GNA11: variants seen among roughly 807,000 people sequenced by gnomAD.
GNA11 encodes the protein G protein subunit alpha 11.
A neutral mutation model predicts 38.2 loss-of-function variants in GNA11; 8 were observed. That is an observed-to-expected ratio of 0.21 (90% confidence interval 0.12 to 0.38). The LOEUF (loss-of-function observed/expected upper bound fraction) is 0.38. Among genes scored for constraint, GNA11 ranks in the 10% least tolerant of loss-of-function variants. The pLI, the probability that GNA11 is intolerant of heterozygous loss-of-function variation, is 1.00. For missense variants in GNA11, 268 were observed against 516.3 expected (o/e 0.52, Z 4.66); for synonymous variants, 211 against 221.4 (o/e 0.95, Z 0.42).
At position 3,121,470 on chromosome 19, in the gene GNA11, A is replaced by AAG. The variant is rs1491079955; in HGVS notation, c.*291_*292insAG. 5.7e-6 allele frequency: 1 copy of AAG among 175,812 alleles called. No homozygotes were observed. The highest frequency in any genetic ancestry group is 8.0e-5 in the East Asian group (1 of 12,564). 10.9% of individuals were successfully genotyped at this position (175,812 alleles called of 1,614,324 possible). ...GCTTTTTTCTAAAAAAAAAAAAAAAAGAAAGAAAGAAAAAAAGCAACGAAA... is the reference window on the plus strand; with the variant it reads ...GCTTTTTTCTAAAAAAAAAAAAAAAAAGGAAAGAAAGAAAAAAAGCAACGAAA... On this transcript the variant is annotated 3_prime_UTR_variant, in exon 7 of 7. Coordinates refer to ENST00000078429, the MANE Select transcript of GNA11 (RefSeq NM_002067.5).
chr19:3,096,286 G>C (rs754938), intron 1 of GNA11, among the ~76,000 whole-genome samples: 1 of 136,358 alleles, frequency 7.3e-6, no homozygotes, highest in African/African-American at 2.8e-5. Context: ...TTTCCAGGGG[G>C]CCGCGGGTAG....
rs115151953 is a variant in GNA11, at chr19:3,122,864, G to A, written c.*1685G>A. 67 of 233,558 alleles carry A rather than the reference G, an allele frequency of 2.9e-4. No individual in the cohort carries two copies. Among genetic ancestry groups the A allele is most frequent in the African/African-American group, 1.4e-3 (63 of 45,488 alleles). 14.5% of individuals were successfully genotyped at this position (233,558 alleles called of 1,614,324 possible). On this transcript the variant is annotated 3_prime_UTR_variant, in exon 7 of 7. Transcript: ENST00000078429. The surrounding 1 kb of genome is among the most constrained non-coding windows in gnomAD (Gnocchi z 7.7). The stretch of plus-strand genomic sequence containing the variant: ...TGGGGGCAGAAGAGCGGGGAGCCCC[G>A]TGGAAGGGTCAGGGGAGACCAGGTC...
At chr19:3,098,590 A>C (rs1913428444) in intron 1 of GNA11, among the ~76,000 whole-genome samples, 1 of 152,244 alleles carries the variant, frequency 6.6e-6, no homozygotes, top group Non-Finnish European at 1.5e-5. Flanking sequence ...TAAATAAAGC[A>C]GGATGGTTAG....
rs918486848 is a variant in GNA11 at position 3,120,013 on chromosome 19, T to G, written c.889+654T>G. On this transcript the variant is annotated intron_variant, in intron 6 of 6. Coordinates refer to ENST00000078429, the MANE Select transcript of GNA11 (RefSeq NM_002067.5). The surrounding 1 kb of genome is among the most constrained non-coding windows in gnomAD (Gnocchi z 5.9). ...GTGTTGTGTGCCCTCGTCTGTGTGG[T>G]CAGTGGCTGCCGTTAGTGCTGTCAC... is the stretch of plus-strand genomic sequence containing the variant. 4.6e-5 allele frequency among the ~76,000 whole-genome samples: 7 copies of G among 151,992 alleles called. No homozygotes were observed. The highest frequency in any genetic ancestry group is 8.8e-5 in the Non-Finnish European group (6 of 67,950).
At chr19:3,101,350 G>A (rs890669615) in intron 1 of GNA11, among the ~76,000 whole-genome samples, 2 of 151,834 alleles carry the variant, frequency 1.3e-5, no homozygotes, top group Non-Finnish European at 2.9e-5. Context: ...TGTGGGATGA[G>A]TGCAGCCCCC....
intron 4 of GNA11, chr19:3,118,237 G>A (rs1008641982): frequency 6.6e-6 from 1 of 152,194 alleles, no homozygotes; most frequent in Non-Finnish European, 1.5e-5. Flanking sequence ...GGAGACCAAA[G>A]TGCCTTTTCT....
chr19:3,121,578 C>T lies in GNA11; in HGVS notation c.*399C>T. ...CCAGCCAGCATGGGGCCCCGCCCTGCAGCCAGTCACGCGCCCCCACACCGC... is the reference window on the plus strand; with the variant it reads ...CCAGCCAGCATGGGGCCCCGCCCTGTAGCCAGTCACGCGCCCCCACACCGC... On this transcript the variant is annotated 3_prime_UTR_variant, in exon 7 of 7. Coordinates refer to ENST00000078429, the MANE Select transcript of GNA11 (RefSeq NM_002067.5). 4.3e-6 allele frequency: 1 copy of T among 235,170 alleles called. No individual in the cohort carries two copies. The allele number at this position is 235,170 out of a possible 1,614,324, so 14.6% of individuals were successfully genotyped here. A position where few individuals can be genotyped will look rare whatever the true frequency, so the allele number is the denominator to read the frequency against.
chr19:3,110,619 G>C lies in GNA11; in HGVS notation c.321+286G>C, dbSNP rs1278333118. 6.6e-6 allele frequency among the ~76,000 whole-genome samples: 1 copy of C among 152,162 alleles called. No homozygotes were observed. Among genetic ancestry groups the C allele is most frequent in the Non-Finnish European group, 1.5e-5 (1 of 68,026 alleles). On this transcript the variant is annotated intron_variant, in intron 2 of 6. Transcript: ENST00000078429. This position sits in a 1 kb window ranked among gnomAD's most constrained non-coding sequence, Gnocchi z 5.4. ...GTGGGTGGGGAAGCTGAGGCCCTGGGGAAGCTGAGGCCCTGTGAGGTGAGC... is the reference window on the plus strand; with the variant it reads ...GTGGGTGGGGAAGCTGAGGCCCTGGCGAAGCTGAGGCCCTGTGAGGTGAGC...
At chr19:3,105,015 C>T (rs990509844) in intron 1 of GNA11, among the ~76,000 whole-genome samples, 1 of 146,098 alleles carries the variant, frequency 6.8e-6, no homozygotes, top group Non-Finnish European at 1.5e-5. Flanking sequence ...TCACCAGCTC[C>T]AGACCCAGTC....
At chr19:3,111,028 A>G (rs1253044028) in intron 2 of GNA11, among the ~76,000 whole-genome samples, 2 of 151,970 alleles carry the variant, frequency 1.3e-5, no homozygotes, top group Non-Finnish European at 2.9e-5. Context: ...TCCTGGGCTC[A>G]AGCAGTCCTC....
rs7255425 is a variant in GNA11 at position 3,110,100 on chromosome 19, G to A, written c.137-49G>A. 275,267 of 1,475,698 alleles carry A rather than the reference G, an allele frequency of 0.19. 26,676 individuals are homozygous for A. The highest frequency in any genetic ancestry group is 0.23 in the Middle Eastern group (996 of 4,258). 91.4% of individuals were successfully genotyped at this position (1,475,698 alleles called of 1,614,324 possible). ...TCTGGGTAAGAGGGGGCAGCAGCAC[G>A]AGAGTCAGGCCCCGGCTGCCGCCCG... On this transcript the variant is annotated intron_variant, in intron 1 of 6. Transcript: ENST00000078429. The surrounding 1 kb of genome is among the most constrained non-coding windows in gnomAD (Gnocchi z 5.4).
intron 4 of GNA11, chr19:3,117,990 C>G (rs941634839): frequency 1.3e-5 from 2 of 152,260 alleles, no homozygotes; most frequent in African/African-American, 2.4e-5. Flanking sequence ...CCACTGTCCT[C>G]CCGCCTGGCC....
chr19:3,120,025 G>A lies in GNA11; in HGVS notation c.889+666G>A, dbSNP rs576184945. On this transcript the variant is annotated intron_variant, in intron 6 of 6. Coordinates refer to ENST00000078429, the MANE Select transcript of GNA11 (RefSeq NM_002067.5). The surrounding 1 kb of genome is among the most constrained non-coding windows in gnomAD (Gnocchi z 5.9). ...CTCGTCTGTGTGGTCAGTGGCTGCC[G>A]TTAGTGCTGTCACCACTCAGAGCTG... Among the ~76,000 whole-genome samples, 85 of 152,186 alleles carry A rather than the reference G, an allele frequency of 5.6e-4. No individual in the cohort carries two copies. In the Middle Eastern group the frequency reaches 0.017, roughly 30 times the overall value.
rs1252453754 is a variant in GNA11 at position 3,108,601 on chromosome 19, T to C, written c.137-1548T>C. 6.6e-6 allele frequency among the ~76,000 whole-genome samples: 1 copy of C among 152,064 alleles called. No individual in the cohort carries two copies. Among genetic ancestry groups the C allele is most frequent in the East Asian group, 1.9e-4 (1 of 5,188 alleles). On this transcript the variant is annotated intron_variant, in intron 1 of 6. Coordinates refer to ENST00000078429, the MANE Select transcript of GNA11 (RefSeq NM_002067.5). The surrounding 1 kb of genome is among the most constrained non-coding windows in gnomAD (Gnocchi z 4.5). ...TAGGGCACCGGGGGCCTGAGCAAGG[T>C]TAATACCTGAGTAGAGAGTTGAGGC...
intron 1 of GNA11, among the ~76,000 whole-genome samples, chr19:3,105,741 G>A (rs376587479): frequency 3.3e-4 from 50 of 152,324 alleles, no homozygotes; most frequent in African/African-American, 9.9e-4. Flanking sequence ...CCTGCCCAGC[G>A]CCGAGCAGCG....
Position 3,121,317 on chromosome 19 carries a change from T to C in GNA11, c.*138T>C. ...CGGGAGGAGATTTTTTTTTTTCATATTTTTAACAAATGGTTTTTATTTCAC... is the reference window on the plus strand; with the variant it reads ...CGGGAGGAGATTTTTTTTTTTCATACTTTTAACAAATGGTTTTTATTTCAC... On this transcript the variant is annotated 3_prime_UTR_variant, in exon 7 of 7. Coordinates refer to ENST00000078429, the MANE Select transcript of GNA11 (RefSeq NM_002067.5). The C allele has an allele frequency of 1.6e-6, 1 of 609,260 alleles. No homozygotes were observed. The highest frequency in any genetic ancestry group is 2.9e-6 in the Non-Finnish European group (1 of 342,812). The allele number at this position is 609,260 out of a possible 1,614,324, so 37.7% of individuals were successfully genotyped here. A position where few individuals can be genotyped will look rare whatever the true frequency, so the allele number is the denominator to read the frequency against.
At position 3,094,747 on chromosome 19, in the gene GNA11, C is replaced by T. The variant is rs2145300379; in HGVS notation, c.96C>T (p.Asp32=). The part of the protein sequence containing the change: ...NAEIEKQLRR[D]KRDARRELKL... The stretch of plus-strand genomic sequence containing the variant: ...AGATCGAGAAGCAGCTGCGGCGGGA[C>T]AAGCGCGACGCCCGGCGCGAGCTCA... Residue 32 remains aspartate (D), a synonymous_variant, in exon 1 of 7, where the codon GAC becomes GAT. Coordinates refer to ENST00000078429, the MANE Select transcript of GNA11 (RefSeq NM_002067.5). The surrounding 1 kb of genome is among the most constrained non-coding windows in gnomAD (Gnocchi z 6.0). The T allele has an allele frequency of 6.3e-7, 1 of 1,589,762 alleles. No individual in the cohort carries two copies.
At chr19:3,109,963 A>C (rs187454820) in intron 1 of GNA11, among the ~76,000 whole-genome samples, 186 bp from the exon 2 acceptor site, 6 of 152,196 alleles carry the variant, frequency 3.9e-5, no homozygotes, top group African/African-American at 1.4e-4. Flanking sequence ...GAAGATGGGA[A>C]GGGCGCTTTG....
At chr19:3,113,238 C>T in intron 2 of GNA11, 92 bp from the exon 3 acceptor site, 1 of 1,272,502 alleles carries the variant, frequency 7.9e-7, no homozygotes, top group Non-Finnish European at 1.1e-6. Flanking sequence ...CCGCCCGGGC[C>T]AGCCGAGGCC....
Sources: allele counts gnomAD v4.1 joint callset (sites outside exome capture counted in the v4.1 genomes callset), GRCh38; gene constraint gnomAD v4.1.1; non-coding constraint Gnocchi (gnomAD v3.1); transcripts MANE v1.5; gene names NCBI Gene and HGNC (gene_info 2026-07-23, HGNC 2026-07-21).